PRKAR1A: variants seen among roughly 807,000 people sequenced by gnomAD.
The protein encoded by PRKAR1A is protein kinase cAMP-dependent type I regulatory subunit alpha.
Under a neutral mutation model 52.0 loss-of-function variants are expected in PRKAR1A, and 3 were observed. The observed-to-expected ratio is 0.06, with a 90% CI of 0.03 to 0.15. PRKAR1A has a LOEUF of 0.15. Among genes scored for constraint, PRKAR1A ranks in the 10% least tolerant of loss-of-function variants. The probability of loss-of-function intolerance (pLI) is 1.00; values close to 1 mark genes in which losing one functional copy is unlikely to be tolerated. For missense variants in PRKAR1A, 240 were observed against 477.4 expected, an observed-to-expected ratio of 0.50 and a Z score of 4.63; for synonymous variants, 188 against 168.4, an observed-to-expected ratio of 1.12 and a Z score of -0.90.
At chr17:68,451,837 C>T in the PRKAR1A span, among the ~76,000 whole-genome samples, 8 of 152,176 alleles carry the variant, frequency 5.3e-5, no homozygotes, top group African/African-American at 1.7e-4. Flanking sequence ...GTTAATGACC[C>T]TCCTGAGCAC....
chr17:68,517,086 A>G (rs971009763), intron 2 of PRKAR1A, among the ~76,000 whole-genome samples: 2 of 152,246 alleles, frequency 1.3e-5, no homozygotes, highest in Non-Finnish European at 2.9e-5. Context: ...GGTGGAAAGC[A>G]ATAAATAATT....
At chr17:68,443,187 T>C in the PRKAR1A span, among the ~76,000 whole-genome samples, 4 of 152,210 alleles carry the variant, frequency 2.6e-5, no homozygotes, top group Non-Finnish European at 4.4e-5. Context: ...CTCAGCTCAC[T>C]GAAGCCTCCG....
intron 2 of PRKAR1A, among the ~76,000 whole-genome samples, chr17:68,520,629 G>T (rs2085575644): frequency 2.0e-5 from 3 of 152,186 alleles, no homozygotes; most frequent in Admixed American, 1.3e-4. Flanking sequence ...CAAGAGAAAG[G>T]ATATAAAAAT....
the PRKAR1A span, among the ~76,000 whole-genome samples, chr17:68,434,066 G>A: frequency 6.2e-3 from 941 of 152,064 alleles, 12 homozygotes; most frequent in African/African-American, 0.021. Context: ...CACCGCGCCC[G>A]GCCCATAGTC....
intron 10 of PRKAR1A, 88 bp from the exon 11 acceptor site, chr17:68,530,188 TA>T: frequency 6.5e-7 from 1 of 1,541,476 alleles, no homozygotes; most frequent in Non-Finnish European, 9.0e-7. Context: ...GATTGTCTCA[TA>T]TCTATTGTCT....
At chr17:68,432,924 GTTCTT>G in the PRKAR1A span, among the ~76,000 whole-genome samples, 1 of 152,112 alleles carries the variant, frequency 6.6e-6, no homozygotes, top group Non-Finnish European at 1.5e-5. Flanking sequence ...CTGCCCTGAA[GTTCTT>G]TTTACTCTTT....
the PRKAR1A span, chr17:68,434,691 G>C: frequency 6.5e-7 from 1 of 1,548,496 alleles, no homozygotes; most frequent in Non-Finnish European, 8.8e-7. Context: ...TGTCCCTTTA[G>C]AGAGGAGTTT....
At chr17:68,550,478 T>G (rs566746708) in intron 11 of PRKAR1A, among the ~76,000 whole-genome samples, 2 of 147,078 alleles carry the variant, frequency 1.4e-5, no homozygotes, top group East Asian at 4.3e-4. Context: ...CCTCCTGGGT[T>G]CAGGAGATTC....
At chr17:68,476,309 C>T in the PRKAR1A span, among the ~76,000 whole-genome samples, 1 of 152,144 alleles carries the variant, frequency 6.6e-6, no homozygotes, top group Admixed American at 6.5e-5. Context: ...TTCTATTTGC[C>T]TTTACCAGGT....
At position 68,515,420 on chromosome 17, in the gene PRKAR1A, C is replaced by T. The variant is rs753565093; in HGVS notation, c.21C>T (p.Ala7=). The change falls in exon 2 of 11, where the codon GCC becomes GCT. Residue 7 remains alanine, a synonymous_variant. Transcript: ENST00000589228. MESGST[A]ASEEARSLRE... ...GAACCATGGAGTCTGGCAGTACCGC[C>T]GCCAGTGAGGAGGCACGCAGCCTTC... 5.0e-6 allele frequency: 8 copies of T among 1,613,214 alleles called. No individual in the cohort carries two copies. Among genetic ancestry groups the T allele is most frequent in the East Asian group, 2.2e-5 (1 of 44,902 alleles).
At chr17:68,452,840 G>T in the PRKAR1A span, 8 of 1,413,948 alleles carry the variant, frequency 5.7e-6, no homozygotes, top group African/African-American at 1.1e-4. Context: ...TGGTAGCACC[G>T]CAGATTAAAG....
chr17:68,518,433 T>C (rs190168235), intron 2 of PRKAR1A, among the ~76,000 whole-genome samples: 70 of 152,374 alleles, frequency 4.6e-4, no homozygotes, highest in Middle Eastern at 6.8e-3. Context: ...ACCTCAGTTC[T>C]TGACTTCTGT....
rs999588795 is a variant in PRKAR1A at position 68,523,038 on chromosome 17, A to T, written c.348+112A>T. 5 of 1,304,160 alleles carry T rather than the reference A, an allele frequency of 3.8e-6. No individual in the cohort carries two copies. In the African/African-American group the frequency reaches 7.3e-5, roughly 19 times the overall value. 80.8% of individuals were successfully genotyped at this position (1,304,160 alleles called of 1,614,324 possible). The stretch of plus-strand genomic sequence containing the variant: ...TACAAAACAGGGTGGAACTTCATCC[A>T]TCCTGTACAATTCTTGGGTACTGGA... On this transcript the variant is annotated intron_variant, in intron 3 of 10. Transcript: ENST00000589228.
chr17:68,465,504 G>T, the PRKAR1A span, among the ~76,000 whole-genome samples: 1 of 152,046 alleles, frequency 6.6e-6, no homozygotes, highest in Non-Finnish European at 1.5e-5. Context: ...GCCCAGGCTG[G>T]AGAGCAGTGG....
the PRKAR1A span, chr17:68,427,115 T>A: frequency 6.3e-7 from 1 of 1,598,584 alleles, no homozygotes; most frequent in East Asian, 2.2e-5. Flanking sequence ...TGCTCCCCTG[T>A]TGGCCCCGTG....
chr17:68,535,112 G>A, downstream of PRKAR1A: 1 of 364,868 alleles, frequency 2.7e-6, no homozygotes, highest in South Asian at 2.1e-5. Flanking sequence ...AACTTGAAAA[G>A]TTCTCAGAGT....
intron 3 of PRKAR1A, 37 bp downstream of exon 3, chr17:68,522,963 G>C (rs1243028643): frequency 1.2e-6 from 2 of 1,609,864 alleles, no homozygotes; most frequent in Admixed American, 1.7e-5. Context: ...GGATGCTTTT[G>C]GGACCCACTT....
At chr17:68,465,453 C>G in the PRKAR1A span, among the ~76,000 whole-genome samples, 6 of 151,320 alleles carry the variant, frequency 4.0e-5, no homozygotes, top group Middle Eastern at 3.2e-3. Context: ...TCTCAGCTTT[C>G]TATTATTATT....
intron 4 of PRKAR1A, 80 bp from the exon 5 acceptor site, chr17:68,523,936 G>A (rs546394119): frequency 2.3e-5 from 36 of 1,586,478 alleles, no homozygotes; most frequent in Admixed American, 6.7e-5. Context: ...ACAGTCTGGG[G>A]TCTTTAATTC....
Sources: gnomAD v4.1 joint callset for allele counts (sites outside exome capture counted in the v4.1 genomes callset) on GRCh38, gnomAD v4.1.1 for gene constraint, MANE v1.5 for transcripts, NCBI Gene and HGNC (gene_info 2026-07-23, HGNC 2026-07-21) for gene names.